FRMD4B: variants seen among roughly 807,000 people sequenced by gnomAD.
FRMD4B encodes FERM domain-containing protein 4B.
In FRMD4B, 74 loss-of-function variants were observed where a neutral mutation model predicts 141.5. That is an observed-to-expected ratio of 0.52 (90% CI 0.43 to 0.63). The LOEUF is 0.63. Among genes scored for constraint, FRMD4B ranks in the 30% least tolerant of loss-of-function variants. FRMD4B has a pLI of 0.00. For missense variants in FRMD4B, 1,366 were observed against 1,253.4 expected, an observed-to-expected ratio of 1.09 and a Z score of -1.36; for synonymous variants, 506 against 467.9, an observed-to-expected ratio of 1.08 and a Z score of -1.05.
intron 1 of FRMD4B, among the ~76,000 whole-genome samples, chr3:69,377,331 A>G (rs1032581794): frequency 6.6e-6 from 1 of 152,120 alleles, no homozygotes. Context: ...TTGTGGTCCA[A>G]TCCCTTGAAA....
At chr3:69,457,792 C>G (rs1705643821) in intron 1 of FRMD4B, among the ~76,000 whole-genome samples, 1 of 152,198 alleles carries the variant, frequency 6.6e-6, no homozygotes, top group Non-Finnish European at 1.5e-5. Flanking sequence ...AATCACATTT[C>G]CCTAATTTCA....
At position 69,196,367 on chromosome 3, in the gene FRMD4B, A is replaced by G. The variant is rs780596114; in HGVS notation, c.1122T>C (p.Asp374=). The G allele has an allele frequency of 2.5e-6, 4 of 1,606,432 alleles. No individual in the cohort carries two copies. Among genetic ancestry groups the G allele is most frequent in the Non-Finnish European group, 3.4e-6 (4 of 1,174,376 alleles). Residue 374 remains aspartate (D), a synonymous_variant, in exon 14 of 23, where the codon GAT becomes GAC. Coordinates refer to ENST00000398540, the MANE Select transcript of FRMD4B (RefSeq NM_015123.3). ...KAKIPSARSL[D]EIAMDLTETG... ...TCTCTGTCAAATCCATTGCAATCTC[A>G]TCTAAACTCCTGGCTGAAGGAATTT...
chr3:69,423,948 G>A (rs1705028642), intron 2 of FRMD4B, among the ~76,000 whole-genome samples: 1 of 152,124 alleles, frequency 6.6e-6, no homozygotes, highest in South Asian at 2.1e-4. Flanking sequence ...CCAGCTTATG[G>A]TATTTCGTAA....
intron 1 of FRMD4B, among the ~76,000 whole-genome samples, chr3:69,496,674 A>AGAGG (rs1404316755): frequency 1.4e-4 from 21 of 147,432 alleles, no homozygotes; most frequent in African/African-American, 5.1e-4. Flanking sequence ...AGAGAGAGAG[A>AGAGG]GAGACAGGGA....
At position 69,171,849 on chromosome 3, in the gene FRMD4B, T is replaced by A. The variant is rs571281065; in HGVS notation, c.*12A>T. 4.9e-5 allele frequency: 79 copies of A among 1,609,588 alleles called. 1 individual carries two copies. In the East Asian group the frequency reaches 1.6e-3, roughly 32 times the overall value. On this transcript the variant is annotated 3_prime_UTR_variant, in exon 23 of 23. Coordinates refer to ENST00000398540, the MANE Select transcript of FRMD4B (RefSeq NM_015123.3). ...GAGAACGCAGTGCTTGGTCAGGAGG[T>A]CCAACTGCAGTTCAGACTAATGTTC...
At chr3:69,197,280 C>G (rs2092917949) in intron 12 of FRMD4B, among the ~76,000 whole-genome samples, 1 of 152,096 alleles carries the variant, frequency 6.6e-6, no homozygotes, top group Non-Finnish European at 1.5e-5. Flanking sequence ...AACTCAAAAG[C>G]TGATAAAGAA....
At chr3:69,210,831 T>C (rs1279607563) in intron 11 of FRMD4B, among the ~76,000 whole-genome samples, 1 of 151,820 alleles carries the variant, frequency 6.6e-6, no homozygotes, top group Non-Finnish European at 1.5e-5. Flanking sequence ...CTGACCAACA[T>C]GGTGAAACTC....
intron 7 of FRMD4B, among the ~76,000 whole-genome samples, chr3:69,228,866 G>A (rs1232969469): frequency 2.6e-5 from 4 of 151,442 alleles, no homozygotes; most frequent in African/African-American, 9.7e-5. Flanking sequence ...GAGAGAAGAT[G>A]CCTTCTCAGT....
chr3:69,206,005 G>A (rs1425912970), intron 11 of FRMD4B, among the ~76,000 whole-genome samples: 3 of 152,074 alleles, frequency 2.0e-5, no homozygotes, highest in Non-Finnish European at 4.4e-5. Flanking sequence ...TACCCAAATG[G>A]TATACGCTGT....
At position 69,495,474 on chromosome 3, in the gene FRMD4B, G is replaced by C. The variant is rs77554817; in HGVS notation, c.-129+46732C>G. Among the ~76,000 whole-genome samples the C allele has an allele frequency of 1.9e-3, 290 of 152,236 alleles. 2 individuals are homozygous for C. Among genetic ancestry groups the C allele is most frequent in the African/African-American group, 6.6e-3 (274 of 41,556 alleles). ...AGCTTATGCTCTCTCTCTGCCCCTG[G>C]GCTGTGTCACTCTCTATCGTTGGCT... On this transcript the variant is annotated intron_variant, in intron 1 of 5. Transcript: ENST00000459638.
In FRMD4B at chr3:69,171,086, A is replaced by C. The variant is rs1175788756; in HGVS notation, c.*775T>G. 1.3e-5 allele frequency: 2 copies of C among 152,236 alleles called. No homozygotes were observed. The highest frequency in any genetic ancestry group is 2.4e-5 in the African/African-American group (1 of 41,454). The allele number at this position is 152,236 out of a possible 1,614,324, so 9.4% of individuals were successfully genotyped here. ...CAGAACAATAGCTCATCACGCAATT[A>C]GTGGAGAAAGGAAAAAGGAGCTCCA... On this transcript the variant is annotated 3_prime_UTR_variant, in exon 23 of 23. Transcript: ENST00000398540.
chr3:69,282,076 C>T (rs937944044), intron 5 of FRMD4B, among the ~76,000 whole-genome samples: 14 of 152,084 alleles, frequency 9.2e-5, no homozygotes, highest in Admixed American at 7.9e-4. Flanking sequence ...TTTATAAATC[C>T]GTATTTATGT....
At chr3:69,229,485 T>C (rs1235753352) in intron 7 of FRMD4B, among the ~76,000 whole-genome samples, 1 of 152,196 alleles carries the variant, frequency 6.6e-6, no homozygotes, top group Non-Finnish European at 1.5e-5. Context: ...TATAGGAATT[T>C]TCCAGCAAGC....
At chr3:69,310,571 CACACACACACAGAGAG>C (rs1322469869) in intron 3 of FRMD4B, 2 of 252,634 alleles carry the variant, frequency 7.9e-6, no homozygotes, top group African/African-American at 7.7e-5. Flanking sequence ...CACACACACA[CACACACACACAGAGAG>C]AGAGAGAGAG....
chr3:69,468,853 T>G (rs1705837281), intron 1 of FRMD4B, among the ~76,000 whole-genome samples: 1 of 152,152 alleles, frequency 6.6e-6, no homozygotes, highest in South Asian at 2.1e-4. Context: ...TCTGCTTCAT[T>G]GTGTAAATAT....
rs1476892449 is a variant in FRMD4B at position 69,349,930 on chromosome 3, T to TC, written c.162+35897_162+35898insG. On this transcript the variant is annotated intron_variant, in intron 1 of 22. Coordinates refer to ENST00000398540, the MANE Select transcript of FRMD4B (RefSeq NM_015123.3). ...TAGGCATGGGCAAGGACTTCATGTC[T>TC]AAAACACCAAAAGCAATGGCAACAA... Among the ~76,000 whole-genome samples, 4 of 152,204 alleles carry TC rather than the reference T, an allele frequency of 2.6e-5. No individual in the cohort carries two copies. In the East Asian group the frequency reaches 7.7e-4, roughly 29 times the overall value.
At chr3:69,235,438 T>C (rs1324890562) in intron 7 of FRMD4B, among the ~76,000 whole-genome samples, 6 of 151,872 alleles carry the variant, frequency 4.0e-5, no homozygotes, top group Non-Finnish European at 8.8e-5. Context: ...GGTGGGTGGA[T>C]CACCTGAGGT....
intron 1 of FRMD4B, among the ~76,000 whole-genome samples, chr3:69,487,004 C>A (rs1204472690): frequency 6.6e-6 from 1 of 152,176 alleles, no homozygotes; most frequent in East Asian, 1.9e-4. Context: ...CTAGACCTTG[C>A]CTTTCTCTAC....
At position 69,181,405 on chromosome 3, in the gene FRMD4B, A is replaced by C; in HGVS notation, c.2345T>G (p.Leu782Arg). ...ATTCCTCAAACTATCCTTTTGTGCTAGGTTGGGCATGCTTCCTGAATTTGA... is the reference window on the plus strand; with the variant it reads ...ATTCCTCAAACTATCCTTTTGTGCTCGGTTGGGCATGCTTCCTGAATTTGA... ...STSNSGSMPN[L>R]AQKDSLRNGV... The change falls in exon 21 of 23, where the codon CTA becomes CGA. Residue 782 changes from leucine (L) to arginine (R), a missense_variant. Transcript: ENST00000398540. 4 of 1,613,838 alleles carry C rather than the reference A, an allele frequency of 2.5e-6. No individual in the cohort carries two copies. Among genetic ancestry groups the C allele is most frequent in the Non-Finnish European group, 3.4e-6 (4 of 1,179,838 alleles).
Sources: allele counts gnomAD v4.1 joint callset (sites outside exome capture counted in the v4.1 genomes callset), GRCh38; gene constraint gnomAD v4.1.1; transcripts MANE v1.5; gene names NCBI Gene and HGNC (gene_info 2026-07-23, HGNC 2026-07-21).